ACYP2: variants seen among roughly 807,000 people sequenced by gnomAD.
ACYP2 encodes acylphosphatase-2.
In ACYP2, 12 loss-of-function variants were observed where a neutral mutation model predicts 11.2. The ratio of observed to expected loss-of-function variants is 1.08; its 90% CI spans 0.69 to 1.74. The LOEUF is 1.74. Among genes scored for constraint, ACYP2 ranks in the 40% most tolerant of loss-of-function variants. The probability of loss-of-function intolerance (pLI) is 0.00; values close to 1 mark genes in which losing one functional copy is unlikely to be tolerated. For synonymous variants in ACYP2, 43 were observed against 32.2 expected (o/e 1.33, Z -1.13); for missense variants, 134 against 101.9 (o/e 1.31, Z -1.35).
chr2:54,284,118 G>C (rs1258794062), intron 6 of ACYP2, among the ~76,000 whole-genome samples: 1 of 152,160 alleles, frequency 6.6e-6, no homozygotes, highest in Non-Finnish European at 1.5e-5. Flanking sequence ...AAGTGGAAAA[G>C]ATTATAACAG....
intron 2 of ACYP2, among the ~76,000 whole-genome samples, chr2:54,014,184 A>C (rs192244540): frequency 2.4e-3 from 362 of 152,020 alleles, no homozygotes; most frequent in African/African-American, 8.1e-3. Flanking sequence ...AAAGAAACTC[A>C]GTAAAATTAA....
intron 3 of ACYP2, among the ~76,000 whole-genome samples, chr2:54,055,800 T>C (rs973478502): frequency 4.6e-5 from 7 of 152,238 alleles, no homozygotes; most frequent in Non-Finnish European, 8.8e-5. Flanking sequence ...CAGTTATGAA[T>C]TGAATTCTGA....
chr2:54,063,514 G>A (rs923325954), intron 4 of ACYP2, among the ~76,000 whole-genome samples: 1 of 152,172 alleles, frequency 6.6e-6, no homozygotes, highest in Non-Finnish European at 1.5e-5. Context: ...CCCAGGAGAG[G>A]CATCAGCAGG....
intron 6 of ACYP2, among the ~76,000 whole-genome samples, chr2:54,163,538 A>C (rs146394842): frequency 6.6e-6 from 1 of 152,252 alleles, no homozygotes; most frequent in Non-Finnish European, 1.5e-5. Flanking sequence ...AAATAATTTC[A>C]GACAAAAAGA....
chr2:54,227,886 C>G (rs932704405), intron 6 of ACYP2, among the ~76,000 whole-genome samples: 2 of 152,178 alleles, frequency 1.3e-5, no homozygotes, highest in African/African-American at 4.8e-5. Flanking sequence ...CAGGAATGGA[C>G]AAGACCAGTA....
chr2:54,127,133 G>A (rs76858267), intron 4 of ACYP2, among the ~76,000 whole-genome samples: 7,208 of 115,966 alleles, frequency 0.062, 575 homozygotes, highest in African/African-American at 0.21. Context: ...GGCTCTTTTT[G>A]GAAAATACAT....
At chr2:54,155,680 C>A (rs999506076) in intron 6 of ACYP2, among the ~76,000 whole-genome samples, 1 of 152,204 alleles carries the variant, frequency 6.6e-6, no homozygotes. Context: ...CCAAACTGGT[C>A]CCTGGTGCAT....
chr2:54,281,742 G>T (rs181172955), intron 6 of ACYP2, among the ~76,000 whole-genome samples: 15 of 152,264 alleles, frequency 9.9e-5, no homozygotes, highest in Non-Finnish European at 2.9e-5. Context: ...TCTTGATTAT[G>T]GGACCATTTT....
At chr2:54,139,189 G>A (rs1315634571) in intron 6 of ACYP2, among the ~76,000 whole-genome samples, 1 of 152,188 alleles carries the variant, frequency 6.6e-6, no homozygotes, top group Non-Finnish European at 1.5e-5. Context: ...TCCAGCGTTA[G>A]GGAGATGTCC....
At chr2:54,004,359 A>G (rs1276304704) in intron 2 of ACYP2, among the ~76,000 whole-genome samples, 2 of 146,374 alleles carry the variant, frequency 1.4e-5, no homozygotes, top group Non-Finnish European at 3.0e-5. Flanking sequence ...CTTACCTGCC[A>G]TCTGTGTATC....
At chr2:54,266,147 C>G (rs1226039410) in intron 6 of ACYP2, among the ~76,000 whole-genome samples, 2 of 152,098 alleles carry the variant, frequency 1.3e-5, no homozygotes, top group Non-Finnish European at 2.9e-5. Context: ...TTCAAAATAA[C>G]AATAATGGAA....
chr2:54,099,684 C>T (rs1290465331), intron 4 of ACYP2, among the ~76,000 whole-genome samples: 1 of 152,100 alleles, frequency 6.6e-6, no homozygotes, highest in Non-Finnish European at 1.5e-5. Flanking sequence ...CACTGATGGA[C>T]ACTCAGGTCC....
chr2:54,025,306 C>T (rs1356650157), intron 2 of ACYP2, among the ~76,000 whole-genome samples: 1 of 152,108 alleles, frequency 6.6e-6, no homozygotes, highest in Non-Finnish European at 1.5e-5. Flanking sequence ...CATCAGGAGC[C>T]ATCACATTAC....
chr2:54,149,628 A>G (rs1267279230), intron 6 of ACYP2, among the ~76,000 whole-genome samples: 4 of 152,224 alleles, frequency 2.6e-5, no homozygotes, highest in African/African-American at 9.7e-5. Flanking sequence ...ATTTTCCATA[A>G]AGACTCAATG....
chr2:54,136,763 G>T (rs1452126142), intron 5 of ACYP2, among the ~76,000 whole-genome samples: 6 of 152,156 alleles, frequency 3.9e-5, no homozygotes, highest in Admixed American at 3.9e-4. Context: ...ATCACCTGAG[G>T]TCAGGAGTTC....
chr2:54,104,022 C>T lies in ACYP2; in HGVS notation c.278-31431C>T, dbSNP rs187723473. ...AAGCTAAACAGACCAAAGCCAGCCC[C>T]AGGTTGAACAAGAAAGCAGGCAGCC... On this transcript the variant is annotated intron_variant, in intron 4 of 6. Coordinates refer to ENST00000607452, the MANE Select transcript of ACYP2 (RefSeq NM_001320586.2). Among the ~76,000 whole-genome samples, 28 of 152,314 alleles carry T rather than the reference C, an allele frequency of 1.8e-4. No homozygotes were observed. The East Asian group carries it at 4.8e-3, about 26-fold the overall frequency.
intron 4 of ACYP2, among the ~76,000 whole-genome samples, chr2:54,113,565 T>A (rs1679572683): frequency 6.6e-6 from 1 of 151,810 alleles, no homozygotes; most frequent in South Asian, 2.1e-4. Context: ...AAAAAAAAAA[T>A]TCTGTTTGAG....
At chr2:53,978,915 C>G (rs957198318) in intron 2 of ACYP2, among the ~76,000 whole-genome samples, 2 of 151,970 alleles carry the variant, frequency 1.3e-5, no homozygotes, top group Non-Finnish European at 2.9e-5. Flanking sequence ...AGAGTAAGAC[C>G]TCATCTCAAA....
chr2:54,304,628 T>A, intron 6 of ACYP2, 60 bp from the exon 4 acceptor site: 3 of 1,251,226 alleles, frequency 2.4e-6, no homozygotes, highest in Non-Finnish European at 3.4e-6. Flanking sequence ...GTGGGCTCAT[T>A]TTAGCTGATC....
Sources: allele counts gnomAD v4.1 joint callset (sites outside exome capture counted in the v4.1 genomes callset), GRCh38; gene constraint gnomAD v4.1.1; transcripts MANE v1.5; gene names NCBI Gene and HGNC (gene_info 2026-07-23, HGNC 2026-07-21).